Variants in ASTN2 observed in about 807,000 individuals in gnomAD.
The protein encoded by ASTN2 is astrotactin-2.
In ASTN2, 54 loss-of-function variants were observed where a neutral mutation model predicts 139.8. That is an observed-to-expected ratio of 0.39 (90% CI 0.31 to 0.48). The LOEUF (loss-of-function observed/expected upper bound fraction) is 0.48. ASTN2 is among the 20% of genes least tolerant of loss of function. The pLI is 0.95. For missense variants in ASTN2, 1,565 were observed against 1,725.1 expected (o/e 0.91, Z 1.64); for synonymous variants, 756 against 719.5 (o/e 1.05, Z -0.81).
chr9:117,363,948 T>G (rs1237268087), intron 1 of ASTN2, among the ~76,000 whole-genome samples: 1 of 152,230 alleles, frequency 6.6e-6, no homozygotes, highest in Non-Finnish European at 1.5e-5. Flanking sequence ...AAGCGTGGGC[T>G]GTTTTGTTTT....
intron 4 of ASTN2, among the ~76,000 whole-genome samples, chr9:117,131,259 C>T (rs375192009): frequency 6.6e-6 from 1 of 152,106 alleles, no homozygotes. Flanking sequence ...GGCAGTCAGA[C>T]ATGTCTCATT....
chr9:116,471,669 C>T (rs1848818722), intron 20 of ASTN2, among the ~76,000 whole-genome samples: 1 of 152,114 alleles, frequency 6.6e-6, no homozygotes, highest in South Asian at 2.1e-4. Flanking sequence ...ATGGAAAGGA[C>T]AGCAGGAAAT....
chr9:117,339,137 C>T (rs148867884), intron 1 of ASTN2, among the ~76,000 whole-genome samples: 3 of 152,094 alleles, frequency 2.0e-5, no homozygotes, highest in Non-Finnish European at 2.9e-5. Flanking sequence ...GACTACAACA[C>T]CATCAAACCC....
chr9:117,298,886 C>T (rs762735108), intron 1 of ASTN2, among the ~76,000 whole-genome samples: 1 of 151,766 alleles, frequency 6.6e-6, no homozygotes, highest in South Asian at 2.1e-4. Flanking sequence ...TTAATTGAGC[C>T]GTCCCATATT....
intron 19 of ASTN2, among the ~76,000 whole-genome samples, chr9:116,544,952 G>A (rs1427061505): frequency 6.6e-6 from 1 of 152,216 alleles, no homozygotes; most frequent in Non-Finnish European, 1.5e-5. Flanking sequence ...GACCCTTGGT[G>A]AGAGTGCCAA....
chr9:117,369,113 C>T (rs1208370329), intron 1 of ASTN2, among the ~76,000 whole-genome samples: 2 of 152,136 alleles, frequency 1.3e-5, no homozygotes, highest in Non-Finnish European at 2.9e-5. Context: ...CCCATCATGG[C>T]TATTTGTTAA....
At chr9:116,709,048 G>A (rs1828071294) in intron 16 of ASTN2, among the ~76,000 whole-genome samples, 1 of 152,154 alleles carries the variant, frequency 6.6e-6, no homozygotes, top group Non-Finnish European at 1.5e-5. Flanking sequence ...ATTGCTGGCT[G>A]CATATTGGAC....
In ASTN2 at chr9:116,577,461, G is replaced by A. The variant is rs116737284; in HGVS notation, c.3355+40863C>T. Among the ~76,000 whole-genome samples, 601 of 151,990 alleles carry A rather than the reference G, an allele frequency of 4.0e-3. 5 individuals are homozygous for A. Among genetic ancestry groups the A allele is most frequent in the African/African-American group, 0.013 (551 of 41,410 alleles). On this transcript the variant is annotated intron_variant, in intron 19 of 22. Transcript: ENST00000313400. ...GGCAGGATCACTTGAGCCCGGGGGAGGTCAAGGCTGCAGTGAGCTGAGATC... is the reference window on the plus strand; with the variant it reads ...GGCAGGATCACTTGAGCCCGGGGGAAGTCAAGGCTGCAGTGAGCTGAGATC...
At chr9:117,323,339 C>T (rs555566700) in intron 1 of ASTN2, among the ~76,000 whole-genome samples, 139 of 137,404 alleles carry the variant, frequency 1.0e-3, no homozygotes, top group African/African-American at 3.4e-3. Flanking sequence ...TCAATCAAGA[C>T]CTAACCCCTC....
At chr9:116,776,307 C>T (rs752187719) in intron 13 of ASTN2, among the ~76,000 whole-genome samples, 1 of 152,144 alleles carries the variant, frequency 6.6e-6, no homozygotes, top group Non-Finnish European at 1.5e-5. Flanking sequence ...TATGGAATTC[C>T]CACCAAGCAT....
At chr9:116,501,220 GT>G (rs1849842134) in intron 19 of ASTN2, among the ~76,000 whole-genome samples, 2 of 152,164 alleles carry the variant, frequency 1.3e-5, no homozygotes, top group African/African-American at 4.8e-5. Flanking sequence ...GGGGTGTTTG[GT>G]TTTTTGTTCT....
intron 3 of ASTN2, among the ~76,000 whole-genome samples, chr9:117,147,350 C>T (rs1036157112): frequency 2.0e-5 from 3 of 151,966 alleles, no homozygotes; most frequent in South Asian, 2.1e-4. Flanking sequence ...GGCAGAGAAT[C>T]GCTTGAACCT....
At chr9:116,679,469 T>G (rs1859704993) in intron 16 of ASTN2, among the ~76,000 whole-genome samples, 1 of 152,118 alleles carries the variant, frequency 6.6e-6, no homozygotes, top group African/African-American at 2.4e-5. Flanking sequence ...CTCCTATAAT[T>G]CTAATATGAC....
chr9:116,973,537 C>A (rs976883153), intron 10 of ASTN2, among the ~76,000 whole-genome samples: 2 of 152,180 alleles, frequency 1.3e-5, no homozygotes, highest in Non-Finnish European at 2.9e-5. Flanking sequence ...ATCATGGATG[C>A]AATGTCAACA....
chr9:116,507,495 T>C (rs556221775), intron 19 of ASTN2, among the ~76,000 whole-genome samples: 1 of 152,308 alleles, frequency 6.6e-6, no homozygotes, highest in African/African-American at 2.4e-5. Context: ...ATCATTATTG[T>C]CCAGTTGGTG....
At chr9:117,293,337 G>A (rs1834642698) in intron 1 of ASTN2, among the ~76,000 whole-genome samples, 1 of 152,138 alleles carries the variant, frequency 6.6e-6, no homozygotes, top group African/African-American at 2.4e-5. Context: ...AGGAGCCAGA[G>A]GAATCCTGCC....
intron 19 of ASTN2, among the ~76,000 whole-genome samples, chr9:116,607,416 A>G (rs940046188): frequency 2.0e-5 from 3 of 152,132 alleles, no homozygotes; most frequent in African/African-American, 4.8e-5. Flanking sequence ...AAATCCCTGT[A>G]AAGACAGAAG....
intron 2 of ASTN2, among the ~76,000 whole-genome samples, chr9:117,262,650 T>A (rs550218646): frequency 6.6e-6 from 1 of 152,224 alleles, no homozygotes; most frequent in Admixed American, 6.5e-5. Flanking sequence ...CCCAAAGATG[T>A]CCAAGTCTTT....
At chr9:116,692,453 T>C (rs1053198685) in intron 16 of ASTN2, among the ~76,000 whole-genome samples, 1 of 152,248 alleles carries the variant, frequency 6.6e-6, no homozygotes, top group African/African-American at 2.4e-5. Context: ...GGCTTGGTAC[T>C]GTACTTAGTG....
Sources: gnomAD v4.1 joint callset for allele counts (sites outside exome capture counted in the v4.1 genomes callset) on GRCh38, gnomAD v4.1.1 for gene constraint, MANE v1.5 for transcripts, NCBI Gene and HGNC (gene_info 2026-07-23, HGNC 2026-07-21) for gene names.